The following EPHA5 variants were observed in gnomAD, a reference collection of about 807,000 sequenced individuals.
The protein encoded by EPHA5 is ephrin type-A receptor 5.
Under a neutral mutation model 105.0 loss-of-function variants are expected in EPHA5, and 60 were observed. That is an observed-to-expected ratio of 0.57 (90% CI 0.46 to 0.71). EPHA5 has a LOEUF of 0.71. EPHA5 is among the 30% of genes least tolerant of loss of function. EPHA5 has a pLI of 0.00. For missense variants in EPHA5, 1,218 were observed against 1,274.7 expected (o/e 0.96, Z 0.68); for synonymous variants, 513 against 449.1 (o/e 1.14, Z -1.80).
intron 3 of EPHA5, among the ~76,000 whole-genome samples, chr4:65,581,256 A>C (rs1053059058): frequency 1.3e-5 from 2 of 151,642 alleles, no homozygotes; most frequent in African/African-American, 4.8e-5. Flanking sequence ...TTTCAGATTT[A>C]CTCAGTTTTT....
intron 5 of EPHA5, among the ~76,000 whole-genome samples, chr4:65,457,745 T>A (rs1370535984): frequency 6.6e-6 from 1 of 152,186 alleles, no homozygotes; most frequent in African/African-American, 2.4e-5. Context: ...ACAAGTAAAA[T>A]TATTCGGAGT....
chr4:65,556,705 C>T (rs963104108), intron 3 of EPHA5, among the ~76,000 whole-genome samples: 11 of 151,936 alleles, frequency 7.2e-5, no homozygotes, highest in African/African-American at 1.7e-4. Flanking sequence ...GCAAATAGAG[C>T]GTTATTTTCA....
chr4:65,400,753 T>A (rs1488521368), intron 8 of EPHA5, among the ~76,000 whole-genome samples: 1 of 152,168 alleles, frequency 6.6e-6, no homozygotes, highest in African/African-American at 2.4e-5. Context: ...TTGCACTTTT[T>A]TTGTCTAAAT....
chr4:65,324,218 C>A lies in EPHA5; in HGVS notation c.2947G>T (p.Asp983Tyr). The change falls in exon 17 of 17, where the codon GAT becomes TAT. Residue 983 changes from aspartate to tyrosine, a missense_variant and splice_region_variant. Around this residue, in one of 3 missense-constraint regions of EPHA5, gnomAD observed 971 missense variants for 1,013.5 expected, o/e 0.96. Coordinates refer to ENST00000613740, the MANE Select transcript of EPHA5 (RefSeq NM_001281766.3). Reference protein sequence around the residue: ...MDAVAQVTLEDLRRLGVTLVG... With the variant: ...MDAVAQVTLEYLRRLGVTLVG... ...AGAGTCACTCCAAGCCGTCTCAAATCCCTGCATGAAGAAAGCACACATTGG... is the reference window on the plus strand; with the variant it reads ...AGAGTCACTCCAAGCCGTCTCAAATACCTGCATGAAGAAAGCACACATTGG... 1 of 1,604,948 alleles carries A rather than the reference C, an allele frequency of 6.2e-7. No individual in the cohort carries two copies. Among genetic ancestry groups the A allele is most frequent in the Non-Finnish European group, 8.5e-7 (1 of 1,173,650 alleles).
chr4:65,427,800 T>A (rs890139541), intron 5 of EPHA5, among the ~76,000 whole-genome samples: 33 of 152,300 alleles, frequency 2.2e-4, no homozygotes, highest in African/African-American at 7.2e-4. Flanking sequence ...AGTGAATACA[T>A]CTTTGATTTT....
intron 3 of EPHA5, among the ~76,000 whole-genome samples, chr4:65,519,560 T>C (rs1296535431): frequency 1.4e-5 from 2 of 147,240 alleles, no homozygotes; most frequent in Non-Finnish European, 3.0e-5. Context: ...ATAAAGGGTA[T>C]TCAATTAGGA....
rs1005138757 is a variant in EPHA5, at chr4:65,418,194, C to T, written c.1527+2247G>A. On this transcript the variant is annotated intron_variant, in intron 6 of 16. Transcript: ENST00000613740. Reference sequence around the variant, plus strand: ...GAAAATTGAGAAACAATGTTCACAACAGAATTCAGCATGTGTTAATATATA... The same window carrying T: ...GAAAATTGAGAAACAATGTTCACAATAGAATTCAGCATGTGTTAATATATA... 2.0e-5 allele frequency among the ~76,000 whole-genome samples: 3 copies of T among 152,096 alleles called. No homozygotes were observed. The East Asian group carries it at 5.8e-4, about 29-fold the overall frequency.
intron 3 of EPHA5, among the ~76,000 whole-genome samples, chr4:65,561,647 A>G (rs1271346898): frequency 6.6e-6 from 1 of 152,090 alleles, no homozygotes; most frequent in Non-Finnish European, 1.5e-5. Context: ...AGAAATTAAG[A>G]CACATTGTAT....
intron 3 of EPHA5, among the ~76,000 whole-genome samples, chr4:65,587,397 C>T (rs1273518590): frequency 1.3e-5 from 2 of 152,114 alleles, no homozygotes; most frequent in African/African-American, 4.8e-5. Flanking sequence ...CACTTTAATA[C>T]TCCAAAGGCC....
rs541922658 is a variant in EPHA5 at position 65,550,325 on chromosome 4, T to C, written c.910+51316A>G. On this transcript the variant is annotated intron_variant, in intron 3 of 16. Coordinates refer to ENST00000613740, the MANE Select transcript of EPHA5 (RefSeq NM_001281766.3). ...TAGTTATTAAACCAATGTAAAAATATGTTGAACCATTACAAATAGTTGATA... is the reference window on the plus strand; with the variant it reads ...TAGTTATTAAACCAATGTAAAAATACGTTGAACCATTACAAATAGTTGATA... Among the ~76,000 whole-genome samples the C allele has an allele frequency of 1.2e-4, 18 of 152,290 alleles. No homozygotes were observed. The Middle Eastern group carries it at 0.014, about 115-fold the overall frequency.
rs923937362 is a variant in EPHA5, at chr4:65,322,132, A to G, written c.*1982T>C. 1.8e-5 allele frequency: 4 copies of G among 224,186 alleles called. No individual in the cohort carries two copies. The highest frequency in any genetic ancestry group is 1.3e-3 in the Middle Eastern group (1 of 756). 13.9% of individuals were successfully genotyped at this position (224,186 alleles called of 1,614,324 possible). A position where few individuals can be genotyped will look rare whatever the true frequency, so the allele number is the denominator to read the frequency against. ...CTAAACTAATAGATTATATGTTTGC[A>G]GCACAGTTTGTGTGGACCCATGGTA... On this transcript the variant is annotated 3_prime_UTR_variant, in exon 17 of 17. Transcript: ENST00000613740.
intron 7 of EPHA5, among the ~76,000 whole-genome samples, chr4:65,404,872 C>G (rs1460241135): frequency 6.6e-6 from 1 of 152,086 alleles, no homozygotes; most frequent in East Asian, 1.9e-4. Context: ...AGTTTGTATT[C>G]TGCTGTTCTC....
chr4:65,573,990 G>A (rs1578461659), intron 3 of EPHA5: 1 of 1,593,800 alleles, frequency 6.3e-7, no homozygotes. Context: ...ACTTGTGACT[G>A]GACCTCTGGT....
intron 8 of EPHA5, among the ~76,000 whole-genome samples, chr4:65,395,078 T>C (rs779280728): frequency 6.6e-6 from 1 of 152,184 alleles, no homozygotes; most frequent in Non-Finnish European, 1.5e-5. Context: ...GAAAACTTTC[T>C]AAGTTCAAAG....
chr4:65,462,151 G>C (rs1288500745), intron 5 of EPHA5, among the ~76,000 whole-genome samples: 1 of 152,024 alleles, frequency 6.6e-6, no homozygotes, highest in African/African-American at 2.4e-5. Flanking sequence ...ATCATCTTTT[G>C]AGCACTAATG....
At chr4:65,480,799 C>A (rs1403798618) in intron 5 of EPHA5, among the ~76,000 whole-genome samples, 1 of 152,032 alleles carries the variant, frequency 6.6e-6, no homozygotes, top group East Asian at 1.9e-4. Flanking sequence ...CACTTCATAT[C>A]CTTTATTAAT....
chr4:65,373,149 C>T (rs935308636), intron 8 of EPHA5, among the ~76,000 whole-genome samples: 1 of 151,852 alleles, frequency 6.6e-6, no homozygotes, highest in Non-Finnish European at 1.5e-5. Flanking sequence ...ATTTCTCAAT[C>T]TGAGGAGGCC....
At chr4:65,588,343 C>T (rs1234692051) in intron 3 of EPHA5, among the ~76,000 whole-genome samples, 3 of 152,098 alleles carry the variant, frequency 2.0e-5, no homozygotes, top group Non-Finnish European at 4.4e-5. Context: ...TTTTACACTG[C>T]ACTTGAAAGT....
chr4:65,529,382 A>T (rs1310316708), intron 3 of EPHA5, among the ~76,000 whole-genome samples: 5 of 151,756 alleles, frequency 3.3e-5, no homozygotes, highest in African/African-American at 1.2e-4. Flanking sequence ...TCTCATAAAC[A>T]TATATGTATA....
Sources: gnomAD v4.1 joint callset for allele counts (sites outside exome capture counted in the v4.1 genomes callset) on GRCh38, gnomAD v4.1.1 for gene constraint, gnomAD v4.1.1 regional missense constraint, MANE v1.5 for transcripts, NCBI Gene and HGNC (gene_info 2026-07-23, HGNC 2026-07-21) for gene names.